The following EPB41 variants were observed in gnomAD, a reference collection of about 807,000 sequenced individuals.
The protein encoded by EPB41 is erythrocyte membrane protein band 4.1.
Under a neutral mutation model 108.0 loss-of-function variants are expected in EPB41, and 65 were observed. That is an observed-to-expected ratio of 0.60 (90% CI 0.49 to 0.74). The LOEUF is 0.74. Ranked by LOEUF, EPB41 falls within the 30% of genes least tolerant of loss-of-function variation. The pLI is 0.00. For missense variants in EPB41, 875 were observed against 1,037.0 expected (o/e 0.84, Z 2.15); for synonymous variants, 336 against 358.9 (o/e 0.94, Z 0.72).
At chr1:28,990,296 TTTCCTTCC>T (rs201526830) in intron 2 of EPB41, among the ~76,000 whole-genome samples, 8 of 44,082 alleles carry the variant, frequency 1.8e-4, no homozygotes, top group Admixed American at 2.9e-4. Context: ...GTTTTTCAAA[TTTCCTTCC>T]TTCCTTCCTT....
intron 1 of EPB41, among the ~76,000 whole-genome samples, chr1:28,888,962 G>C (rs1009516507): frequency 6.6e-6 from 1 of 152,158 alleles, no homozygotes; most frequent in East Asian, 1.9e-4. Flanking sequence ...GAAACTTTGC[G>C]CAAGGAGGTA....
At chr1:28,947,459 A>G (rs566563908) in intron 1 of EPB41, among the ~76,000 whole-genome samples, 2 of 151,720 alleles carry the variant, frequency 1.3e-5, no homozygotes, top group Non-Finnish European at 2.9e-5. Flanking sequence ...ACGGCCTTTT[A>G]ATCTCTTGAG....
At chr1:29,006,350 C>T (rs2096401488) in intron 4 of EPB41, among the ~76,000 whole-genome samples, 1 of 151,464 alleles carries the variant, frequency 6.6e-6, no homozygotes, top group South Asian at 2.1e-4. Flanking sequence ...CATTCTCCTG[C>T]CTCAGCCTCC....
At chr1:28,990,593 A>G (rs1224144882) in intron 2 of EPB41, among the ~76,000 whole-genome samples, 1 of 151,176 alleles carries the variant, frequency 6.6e-6, no homozygotes, top group Non-Finnish European at 1.5e-5. Context: ...CTAATTTTTA[A>G]ATTTTTTGGT....
At chr1:28,929,264 C>T (rs1173026254) in intron 1 of EPB41, among the ~76,000 whole-genome samples, 5 of 149,380 alleles carry the variant, frequency 3.3e-5, no homozygotes, top group Admixed American at 2.0e-4. Context: ...CTTGCTCTGT[C>T]GCCCAGGCTG....
chr1:28,980,487 A>G (rs539303440), intron 1 of EPB41, among the ~76,000 whole-genome samples: 8 of 152,184 alleles, frequency 5.3e-5, no homozygotes, highest in Non-Finnish European at 1.2e-4. Context: ...AGGCAGGAGG[A>G]TCATTTGAGC....
At chr1:29,011,122 CAA>C (rs71022386) in intron 4 of EPB41, among the ~76,000 whole-genome samples, 33 of 113,730 alleles carry the variant, frequency 2.9e-4, no homozygotes, top group East Asian at 5.2e-4. Flanking sequence ...GAAACTCTGT[CAA>C]AAAAAAAAAA....
At chr1:28,966,893 G>A (rs1399965016) in intron 1 of EPB41, among the ~76,000 whole-genome samples, 5 of 151,984 alleles carry the variant, frequency 3.3e-5, no homozygotes, top group African/African-American at 7.3e-5. Context: ...TCTTTGGAGG[G>A]TTTCTGGTCA....
intron 1 of EPB41, among the ~76,000 whole-genome samples, chr1:28,903,322 C>CTTTTTTTTTTTTTTTTTT (rs1469847584): frequency 6.9e-6 from 1 of 144,414 alleles, no homozygotes; most frequent in African/African-American, 2.7e-5. Flanking sequence ...TTTTTCTTTT[C>CTTTTTTTTTTTTTTTTTT]TTTCTTTTTT....
At chr1:28,996,470 G>T (rs1316036225) in intron 3 of EPB41, among the ~76,000 whole-genome samples, 1 of 152,154 alleles carries the variant, frequency 6.6e-6, no homozygotes, top group Non-Finnish European at 1.5e-5. Context: ...AGAGTCTAAT[G>T]ATTTCCACAG....
At chr1:29,109,752 G>T (rs897139855) in intron 18 of EPB41, 1 of 394,400 alleles carries the variant, frequency 2.5e-6, no homozygotes, top group Non-Finnish European at 4.8e-6. Flanking sequence ...AAGTCAGCAT[G>T]GCCAGGCATG....
rs1015494665 is a variant in EPB41, at chr1:29,100,255, G to A, written c.2313+2320G>A. 2.0e-5 allele frequency among the ~76,000 whole-genome samples: 3 copies of A among 149,720 alleles called. 1 individual carries two copies. The highest frequency in any genetic ancestry group is 7.3e-5 in the African/African-American group (3 of 41,112). On this transcript the variant is annotated intron_variant, in intron 17 of 20. Transcript: ENST00000343067. ...AGGCCAAGGCAGGCGGAGCACGTGAGGTCAGAAGTTCAAGACCAGCCTGAC... is the reference window on the plus strand; with the variant it reads ...AGGCCAAGGCAGGCGGAGCACGTGAAGTCAGAAGTTCAAGACCAGCCTGAC...
intron 1 of EPB41, among the ~76,000 whole-genome samples, chr1:28,965,142 T>C (rs1424186416): frequency 6.6e-6 from 1 of 152,214 alleles, no homozygotes; most frequent in Admixed American, 6.5e-5. Context: ...ATTTAATTAT[T>C]GCATGGGGTT....
At chr1:29,066,309 C>T (rs1333471357) in intron 16 of EPB41, among the ~76,000 whole-genome samples, 1 of 151,992 alleles carries the variant, frequency 6.6e-6, no homozygotes, top group Admixed American at 6.6e-5. Flanking sequence ...ATCCCAGCTA[C>T]TCAGGAGGCT....
At chr1:29,008,497 T>C (rs1245833558) in intron 4 of EPB41, among the ~76,000 whole-genome samples, 1 of 152,138 alleles carries the variant, frequency 6.6e-6, no homozygotes, top group Non-Finnish European at 1.5e-5. Context: ...TGCTAAATGG[T>C]AGAGAGGATG....
chr1:28,950,963 G>C (rs1243616793), intron 1 of EPB41, among the ~76,000 whole-genome samples: 1 of 151,970 alleles, frequency 6.6e-6, no homozygotes, highest in South Asian at 2.1e-4. Flanking sequence ...AGCCTCCCAA[G>C]TAGCTGGGAT....
intron 16 of EPB41, among the ~76,000 whole-genome samples, chr1:29,094,607 G>A (rs1053565140): frequency 6.6e-6 from 1 of 152,270 alleles, no homozygotes; most frequent in Middle Eastern, 3.4e-3. Flanking sequence ...CTGTAGCGTT[G>A]TAGCGATCTT....
At chr1:29,052,007 T>G (rs1322031269) in intron 11 of EPB41, among the ~76,000 whole-genome samples, 1 of 152,040 alleles carries the variant, frequency 6.6e-6, no homozygotes, top group Non-Finnish European at 1.5e-5. Context: ...ATAAGTGAAG[T>G]TTTATTACAA....
At chr1:28,959,658 C>T (rs1480096445) in intron 1 of EPB41, among the ~76,000 whole-genome samples, 3 of 152,028 alleles carry the variant, frequency 2.0e-5, no homozygotes, top group Non-Finnish European at 4.4e-5. Context: ...AGAGCAGAAA[C>T]AGTAAAAATA....
Sources: gnomAD v4.1 joint callset for allele counts (sites outside exome capture counted in the v4.1 genomes callset) on GRCh38, gnomAD v4.1.1 for gene constraint, MANE v1.5 for transcripts, NCBI Gene and HGNC (gene_info 2026-07-23, HGNC 2026-07-21) for gene names.